DZIP3: variants seen among roughly 807,000 people sequenced by gnomAD.
The protein encoded by DZIP3 is E3 ubiquitin-protein ligase DZIP3.
DZIP3 carries 118 observed loss-of-function variants against 162.0 expected under a neutral mutation model. The observed-to-expected ratio is 0.73, with a 90% CI of 0.63 to 0.85. DZIP3 has a LOEUF of 0.85. DZIP3 is among the 40% of genes least tolerant of loss of function. The pLI is 0.00. For missense variants in DZIP3, 1,331 were observed against 1,407.0 expected (o/e 0.95, Z 0.86); for synonymous variants, 438 against 458.6 (o/e 0.96, Z 0.57).
intron 18 of DZIP3, among the ~76,000 whole-genome samples, chr3:108,653,505 GTGTA>G (rs201426001): frequency 0.05 from 3,409 of 67,770 alleles, 78 homozygotes; most frequent in Admixed American, 0.11. Context: ...TTGTGTGTGT[GTGTA>G]TATATATATA....
At chr3:108,621,034 G>T (rs539989059) in intron 5 of DZIP3, among the ~76,000 whole-genome samples, 52 of 152,264 alleles carry the variant, frequency 3.4e-4, no homozygotes, top group African/African-American at 1.2e-3. Flanking sequence ...TGTTGGCCAG[G>T]ATGGTCTCGA....
intron 1 of DZIP3, among the ~76,000 whole-genome samples, chr3:108,591,821 C>T (rs559771074): frequency 8.1e-4 from 123 of 152,068 alleles, no homozygotes; most frequent in Non-Finnish European, 1.3e-3. Context: ...CATAGTGAAA[C>T]GCCATCTCTA....
intron 19 of DZIP3, among the ~76,000 whole-genome samples, chr3:108,660,972 AAGTC>A (rs1179566468): frequency 1.3e-5 from 2 of 152,332 alleles, no homozygotes; most frequent in African/African-American, 4.8e-5. Flanking sequence ...AGTCATTAAA[AAGTC>A]AGGAAACAAC....
At chr3:108,636,393 C>G (rs1942147971) in intron 10 of DZIP3, among the ~76,000 whole-genome samples, 1 of 151,884 alleles carries the variant, frequency 6.6e-6, no homozygotes, top group African/African-American at 2.4e-5. Flanking sequence ...GTCTGTAATA[C>G]AGCTACTTGA....
In DZIP3 at chr3:108,646,613, A is replaced by G; in HGVS notation, c.1760-4A>G. On this transcript the variant is annotated splice_polypyrimidine_tract_variant and splice_region_variant and intron_variant, in intron 14 of 32. Coordinates refer to ENST00000361582, the MANE Select transcript of DZIP3 (RefSeq NM_014648.4). ...CATCTAAAATTTTTCTTTATGTATTATAGGAATTGCTCTACAGTCAATAAC... is the reference window on the plus strand; with the variant it reads ...CATCTAAAATTTTTCTTTATGTATTGTAGGAATTGCTCTACAGTCAATAAC... 4 of 1,578,946 alleles carry G rather than the reference A, an allele frequency of 2.5e-6. No homozygotes were observed. Among genetic ancestry groups the G allele is most frequent in the Non-Finnish European group, 3.5e-6 (4 of 1,159,030 alleles).
intron 28 of DZIP3, 143 bp from the exon 29 acceptor site, chr3:108,687,833 T>G: frequency 9.5e-7 from 1 of 1,054,762 alleles, no homozygotes; most frequent in Non-Finnish European, 1.4e-6. Context: ...GTGATCACTT[T>G]TTTAGATCAA....
chr3:108,624,563 C>T, intron 6 of DZIP3, 39 bp downstream of exon 6: 1 of 1,174,300 alleles, frequency 8.5e-7, no homozygotes, highest in Non-Finnish European at 1.2e-6. Context: ...AATCTTTTTA[C>T]ATCTTGGAAT....
chr3:108,635,026 C>T (rs1942074564), intron 10 of DZIP3, 54 bp downstream of exon 10: 1 of 1,070,044 alleles, frequency 9.3e-7, no homozygotes, highest in African/African-American at 1.6e-5. Flanking sequence ...ACCCTTTCCT[C>T]TTTTGTTCTC....
At chr3:108,590,553 T>C (rs922394687) in intron 1 of DZIP3, among the ~76,000 whole-genome samples, 3 of 152,242 alleles carry the variant, frequency 2.0e-5, no homozygotes, top group Non-Finnish European at 2.9e-5. Context: ...TAAACAATTA[T>C]AGAGCGTGTA....
At chr3:108,607,272 G>A (rs1441708862) in intron 2 of DZIP3, among the ~76,000 whole-genome samples, 1 of 152,092 alleles carries the variant, frequency 6.6e-6, no homozygotes, top group Non-Finnish European at 1.5e-5. Context: ...AAATCAATTA[G>A]CATATATTAG....
chr3:108,652,390 A>G (rs1406120954), intron 18 of DZIP3, among the ~76,000 whole-genome samples: 1 of 151,820 alleles, frequency 6.6e-6, no homozygotes, highest in Non-Finnish European at 1.5e-5. Context: ...TTCAGTTTAC[A>G]TCTTAGAAAT....
intron 9 of DZIP3, among the ~76,000 whole-genome samples, chr3:108,634,030 T>C (rs1942023681): frequency 6.6e-6 from 1 of 151,650 alleles, no homozygotes; most frequent in Non-Finnish European, 1.5e-5. Context: ...AATCACAAGA[T>C]AGGATGAGAT....
At chr3:108,687,923 A>C in intron 28 of DZIP3, 53 bp from the exon 29 acceptor site, 1 of 1,610,338 alleles carries the variant, frequency 6.2e-7, no homozygotes. Context: ...GTACATCCTC[A>C]AAGGTACTAA....
At chr3:108,631,051 A>ACTCTCT (rs1431834911) in intron 8 of DZIP3, among the ~76,000 whole-genome samples, 12 of 42,020 alleles carry the variant, frequency 2.9e-4, no homozygotes, top group Non-Finnish European at 4.2e-4. Context: ...ACACACACAC[A>ACTCTCT]CACACTCTCT....
chr3:108,596,093 C>G (rs995886829), intron 1 of DZIP3, among the ~76,000 whole-genome samples: 3 of 152,162 alleles, frequency 2.0e-5, no homozygotes, highest in Non-Finnish European at 4.4e-5. Context: ...TAAGGTGTTA[C>G]AATTTTAGAT....
chr3:108,599,198 G>T (rs1939863274), intron 1 of DZIP3, among the ~76,000 whole-genome samples: 1 of 152,146 alleles, frequency 6.6e-6, no homozygotes, highest in Non-Finnish European at 1.5e-5. Flanking sequence ...TTGCAAAGTG[G>T]CAAGAGCTAA....
At position 108,690,841 on chromosome 3, in the gene DZIP3, G is replaced by A. The variant is rs773688460; in HGVS notation, c.3571G>A (p.Val1191Ile). The A allele has an allele frequency of 1.5e-5, 25 of 1,613,994 alleles. No individual in the cohort carries two copies. Among genetic ancestry groups the A allele is most frequent in the African/African-American group, 1.1e-4 (8 of 74,916 alleles). The change falls in exon 32 of 33, where the codon GTT becomes ATT. Residue 1191 changes from valine to isoleucine, a missense_variant. Coordinates refer to ENST00000361582, the MANE Select transcript of DZIP3 (RefSeq NM_014648.4). ...GACATGTCCAACGTGCAGACTCCAC[G>A]TTTTGCTACCAGAAGAATTCCCTGG... The part of the protein sequence containing the change: ...QGTCPTCRLH[V>I]LLPEEFPGHP...
At chr3:108,589,625 T>A (rs1429877015), upstream of DZIP3, 6 of 363,854 alleles carry the variant, frequency 1.6e-5, no homozygotes, top group Non-Finnish European at 3.0e-5. Flanking sequence ...CCCACCCTCG[T>A]CTGAGAGGCC....
At chr3:108,663,556 C>CA (rs200932139) in intron 21 of DZIP3, among the ~76,000 whole-genome samples, 31,234 of 104,436 alleles carry the variant, frequency 0.3, 3,654 homozygotes, top group East Asian at 0.52. Flanking sequence ...AAGTCTGTCT[C>CA]AAAAAAAAAA....
Sources: gnomAD v4.1 joint callset for allele counts (sites outside exome capture counted in the v4.1 genomes callset) on GRCh38, gnomAD v4.1.1 for gene constraint, MANE v1.5 for transcripts, NCBI Gene and HGNC (gene_info 2026-07-23, HGNC 2026-07-21) for gene names.